CACNA2D1: variants seen among roughly 807,000 people sequenced by gnomAD.
CACNA2D1 encodes calcium voltage-gated channel auxiliary subunit alpha2delta 1, also known as voltage-dependent calcium channel subunit alpha-2/delta-1.
A neutral mutation model predicts 171.5 loss-of-function variants in CACNA2D1; 53 were observed. The ratio of observed to expected loss-of-function variants is 0.31; its 90% CI spans 0.25 to 0.39. The LOEUF is 0.39. Among genes scored for constraint, CACNA2D1 ranks in the 10% least tolerant of loss-of-function variants. The pLI, the probability that CACNA2D1 is intolerant of heterozygous loss-of-function variation, is 1.00. For synonymous variants in CACNA2D1, 442 were observed against 443.1 expected (o/e 1.00, Z 0.03); for missense variants, 903 against 1,299.8 (o/e 0.69, Z 4.69).
intron 38 of CACNA2D1, among the ~76,000 whole-genome samples, chr7:81,953,003 C>T (rs1792786780): frequency 6.6e-6 from 1 of 152,034 alleles, no homozygotes; most frequent in South Asian, 2.1e-4. Context: ...GGTCCTCCCA[C>T]CTCAGCCTCC....
chr7:82,365,622 G>T (rs1222391078), intron 1 of CACNA2D1, among the ~76,000 whole-genome samples: 1 of 152,144 alleles, frequency 6.6e-6, no homozygotes, highest in African/African-American at 2.4e-5. Context: ...GCAGTCATTG[G>T]GTTGGCTACA....
At chr7:81,956,650 C>T (rs1431369975) in intron 38 of CACNA2D1, among the ~76,000 whole-genome samples, 1 of 152,042 alleles carries the variant, frequency 6.6e-6, no homozygotes, top group African/African-American at 2.4e-5. Flanking sequence ...TTCTGAGACT[C>T]CCTCTGCTAT....
At chr7:82,013,902 T>C (rs1383535188) in intron 13 of CACNA2D1, among the ~76,000 whole-genome samples, 1 of 152,040 alleles carries the variant, frequency 6.6e-6, no homozygotes, top group Non-Finnish European at 1.5e-5. Flanking sequence ...TGCCATGGTA[T>C]CACAGTTCAT....
intron 5 of CACNA2D1, among the ~76,000 whole-genome samples, chr7:82,131,797 ATAG>A (rs1473222302): frequency 2.6e-5 from 4 of 152,210 alleles, no homozygotes; most frequent in Non-Finnish European, 4.4e-5. Context: ...AAGAACAGTG[ATAG>A]TAGCCAAATT....
intron 3 of CACNA2D1, among the ~76,000 whole-genome samples, chr7:82,313,263 A>G (rs1192294120): frequency 6.6e-6 from 1 of 152,188 alleles, no homozygotes; most frequent in Admixed American, 6.5e-5. Flanking sequence ...GTGGGAGACT[A>G]AAGGAAACCA....
intron 1 of CACNA2D1, among the ~76,000 whole-genome samples, chr7:82,396,032 T>A (rs1184893545): frequency 6.6e-6 from 1 of 152,262 alleles, no homozygotes. Context: ...CTTTCTAATA[T>A]ATTTTATTAC....
At chr7:82,183,904 C>T (rs1797396065) in intron 3 of CACNA2D1, among the ~76,000 whole-genome samples, 1 of 152,148 alleles carries the variant, frequency 6.6e-6, no homozygotes, top group Non-Finnish European at 1.5e-5. Flanking sequence ...ACCACCCACA[C>T]TCTGACTCTT....
intron 4 of CACNA2D1, among the ~76,000 whole-genome samples, chr7:82,165,536 C>T (rs1563144590): frequency 2.6e-5 from 4 of 151,864 alleles, no homozygotes; most frequent in Admixed American, 2.0e-4. Context: ...CAATTTAAAG[C>T]CCATGGTTAA....
chr7:82,282,099 C>T (rs1384418602), intron 3 of CACNA2D1, among the ~76,000 whole-genome samples: 44 of 152,050 alleles, frequency 2.9e-4, no homozygotes, highest in Admixed American at 2.9e-3. Context: ...AAGTTCAAGA[C>T]CAACCTTGTC....
intron 10 of CACNA2D1, among the ~76,000 whole-genome samples, chr7:82,053,184 G>A (rs1425965145): frequency 6.8e-6 from 1 of 147,772 alleles, no homozygotes; most frequent in Non-Finnish European, 1.5e-5. Context: ...CCTGGGAGGC[G>A]GAGCTTGCAG....
intron 1 of CACNA2D1, among the ~76,000 whole-genome samples, chr7:82,404,482 T>C (rs1826801509): frequency 6.6e-6 from 1 of 152,152 alleles, no homozygotes; most frequent in Admixed American, 6.5e-5. Context: ...TGAGTTTAGG[T>C]GAATTGTTAA....
intron 3 of CACNA2D1, among the ~76,000 whole-genome samples, chr7:82,325,144 A>G (rs961714139): frequency 6.6e-6 from 1 of 152,194 alleles, no homozygotes; most frequent in Non-Finnish European, 1.5e-5. Flanking sequence ...TGTTAAAAAC[A>G]TTGAGATTGG....
chr7:81,967,748 A>T (rs932628430), intron 29 of CACNA2D1, 85 bp from the exon 30 acceptor site: 20 of 695,590 alleles, frequency 2.9e-5, no homozygotes, highest in Non-Finnish European at 4.2e-5. Flanking sequence ...GATAGCAAGT[A>T]TCAGACTATA....
chr7:82,379,714 G>A (rs1252239781), intron 1 of CACNA2D1, among the ~76,000 whole-genome samples: 1 of 151,966 alleles, frequency 6.6e-6, no homozygotes, highest in African/African-American at 2.4e-5. Flanking sequence ...TTTTAACTAT[G>A]GTAAGAACTG....
chr7:81,962,802 G>A lies in CACNA2D1; in HGVS notation c.2781-307C>T, dbSNP rs182925544. On this transcript the variant is annotated intron_variant, in intron 34 of 38. Transcript: ENST00000356860. ...TAAGAGGGAGAATGTCTGTTTCAGCGCGTAGGTTTTCACATTCATTACGTC... is the reference window on the plus strand; with the variant it reads ...TAAGAGGGAGAATGTCTGTTTCAGCACGTAGGTTTTCACATTCATTACGTC... Among the ~76,000 whole-genome samples, 170 of 152,024 alleles carry A rather than the reference G, an allele frequency of 1.1e-3. 2 individuals carry two copies. The South Asian group carries it at 0.033, about 29-fold the overall frequency.
chr7:82,270,201 G>A (rs892728524), intron 3 of CACNA2D1, among the ~76,000 whole-genome samples: 6 of 151,878 alleles, frequency 4.0e-5, no homozygotes, highest in Non-Finnish European at 7.4e-5. Context: ...TGCTTTTTTA[G>A]TATTTATCCA....
chr7:82,107,456 G>A (rs551762881), intron 6 of CACNA2D1, among the ~76,000 whole-genome samples: 7 of 152,064 alleles, frequency 4.6e-5, no homozygotes, highest in African/African-American at 1.7e-4. Flanking sequence ...CCCTAGTTTG[G>A]GCAAAATTCA....
intron 3 of CACNA2D1, among the ~76,000 whole-genome samples, chr7:82,286,237 C>T (rs1167593921): frequency 6.6e-6 from 1 of 152,032 alleles, no homozygotes; most frequent in South Asian, 2.1e-4. Flanking sequence ...GGGTCCCAAG[C>T]GATTGAGAAA....
rs1258055306 is a variant in CACNA2D1 at position 82,029,608 on chromosome 7, T to C, written c.1143+3189A>G. Reference sequence around the variant, plus strand: ...CCTCATTTACTTCTCAACCATCTGTTGGCTTTTGCTCATATCACTTTATGT... The same window carrying C: ...CCTCATTTACTTCTCAACCATCTGTCGGCTTTTGCTCATATCACTTTATGT... On this transcript the variant is annotated intron_variant, in intron 12 of 38. Coordinates refer to ENST00000356860, the MANE Select transcript of CACNA2D1 (RefSeq NM_000722.4). The C allele has an allele frequency of 4.0e-5, 6 of 151,888 alleles. No homozygotes were observed. In the South Asian group the frequency reaches 6.2e-4, roughly 16 times the overall value. The allele number at this position is 151,888 out of a possible 1,614,324, so 9.4% of individuals were successfully genotyped here.
Sources: allele counts gnomAD v4.1 joint callset (sites outside exome capture counted in the v4.1 genomes callset), GRCh38; gene constraint gnomAD v4.1.1; transcripts MANE v1.5; gene names NCBI Gene and HGNC (gene_info 2026-07-23, HGNC 2026-07-21).